Variants in ATAD2B observed in about 807,000 individuals in gnomAD.
ATAD2B encodes ATPase family AAA domain-containing protein 2B.
A neutral mutation model predicts 167.6 loss-of-function variants in ATAD2B; 40 were observed. The ratio of observed to expected loss-of-function variants is 0.24; its 90% CI spans 0.19 to 0.31. The LOEUF (loss-of-function observed/expected upper bound fraction) is 0.31, where lower values mean the gene tolerates loss of function less well. Ranked by LOEUF, ATAD2B falls within the 10% of genes least tolerant of loss-of-function variation. The probability of loss-of-function intolerance (pLI) is 1.00; values close to 1 mark genes in which losing one functional copy is unlikely to be tolerated. For synonymous variants in ATAD2B, 579 were observed against 596.5 expected (o/e 0.97, Z 0.43); for missense variants, 1,242 against 1,757.2 (o/e 0.71, Z 5.24).
chr2:23,819,910 G>A (rs2149624229), intron 16 of ATAD2B, 28 bp from the exon 17 acceptor site: 2 of 1,513,968 alleles, frequency 1.3e-6, no homozygotes, highest in African/African-American at 1.4e-5. Context: ...AATGGTTATG[G>A]GGCTTATAAA....
At chr2:23,768,581 A>C (rs1455680812) in intron 22 of ATAD2B, among the ~76,000 whole-genome samples, 3 of 152,038 alleles carry the variant, frequency 2.0e-5, no homozygotes, top group African/African-American at 7.2e-5. Context: ...CCAAAAAAAA[A>C]AAAAGACAAT....
intron 19 of ATAD2B, among the ~76,000 whole-genome samples, chr2:23,790,550 C>T (rs186613224): frequency 1.1e-3 from 173 of 152,256 alleles, no homozygotes; most frequent in Admixed American, 5.5e-3. Flanking sequence ...CAGGTTACTA[C>T]CAACACCTTA....
In ATAD2B at chr2:23,823,390, C is replaced by A. The variant is rs1307346015; in HGVS notation, c.1999G>T (p.Ala667Ser). 5.1e-5 allele frequency: 83 copies of A among 1,613,810 alleles called. No individual in the cohort carries two copies. Among genetic ancestry groups the A allele is most frequent in the Non-Finnish European group, 6.9e-5 (81 of 1,179,878 alleles). ...MQNIVPASQR[A>S]VMSSGHALSP... ...AGTGCATGCCCTGAAGACATCACAG[C>A]ACGTTGGGAAGCAGGCACGATATTC... is the stretch of plus-strand genomic sequence containing the variant. Residue 667 changes from alanine to serine, a missense_variant, in exon 16 of 28, where the codon GCT becomes TCT. Coordinates refer to ENST00000238789, the MANE Select transcript of ATAD2B (RefSeq NM_017552.4).
chr2:23,732,979 A>G, the ATAD2B span, among the ~76,000 whole-genome samples: 1 of 152,204 alleles, frequency 6.6e-6, no homozygotes, highest in South Asian at 2.1e-4. Context: ...CAGAAGGGTG[A>G]TAATAGTATC....
chr2:23,775,455 G>A (rs1323026325), intron 22 of ATAD2B, among the ~76,000 whole-genome samples: 1 of 152,000 alleles, frequency 6.6e-6, no homozygotes, highest in African/African-American at 2.4e-5. Flanking sequence ...CTCGTGATCC[G>A]CCCGCCTTGG....
chr2:23,721,147 T>C, the ATAD2B span, among the ~76,000 whole-genome samples: 2 of 152,150 alleles, frequency 1.3e-5, no homozygotes, highest in African/African-American at 4.8e-5. Context: ...CTATGTGCCC[T>C]ACCCCTCAAG....
At chr2:23,734,769 T>C in the ATAD2B span, among the ~76,000 whole-genome samples, 3 of 152,190 alleles carry the variant, frequency 2.0e-5, no homozygotes, top group African/African-American at 7.2e-5. Context: ...CAATTCAACA[T>C]GAGATGTGGG....
chr2:23,796,550 G>C (rs1218409143), intron 19 of ATAD2B, among the ~76,000 whole-genome samples: 2 of 151,900 alleles, frequency 1.3e-5, no homozygotes, highest in Non-Finnish European at 2.9e-5. Context: ...CAATATAGAG[G>C]GAAATTTTCA....
At chr2:23,747,296 G>A (rs866029399), downstream of ATAD2B, among the ~76,000 whole-genome samples, 3 of 150,768 alleles carry the variant, frequency 2.0e-5, no homozygotes, top group South Asian at 2.1e-4. Flanking sequence ...ATCAGCATAC[G>A]CCATATATAT....
chr2:23,802,043 G>C (rs1354854704), intron 18 of ATAD2B, among the ~76,000 whole-genome samples: 3 of 152,006 alleles, frequency 2.0e-5, no homozygotes, highest in Non-Finnish European at 4.4e-5. Context: ...CTCAAAGCCA[G>C]TATCACTTTT....
intron 22 of ATAD2B, among the ~76,000 whole-genome samples, chr2:23,770,432 T>A (rs1314047602): frequency 6.6e-6 from 1 of 152,256 alleles, no homozygotes; most frequent in Non-Finnish European, 1.5e-5. Flanking sequence ...AGCTCTTATG[T>A]CCATTATTTA....
chr2:23,883,723 A>T (rs998216343), intron 6 of ATAD2B: 1 of 638,044 alleles, frequency 1.6e-6, no homozygotes, highest in African/African-American at 2.0e-5. Flanking sequence ...TTAACTACAG[A>T]ATTTTTAAAA....
At chr2:23,869,487 T>A (rs1695601717) in intron 9 of ATAD2B, 176 bp downstream of exon 9, 2 of 580,282 alleles carry the variant, frequency 3.4e-6, no homozygotes, top group Admixed American at 5.9e-5. Context: ...TCAGACTAAA[T>A]GATTTTGGGG....
chr2:23,810,094 C>T (rs1460518473), intron 18 of ATAD2B, among the ~76,000 whole-genome samples: 7 of 152,108 alleles, frequency 4.6e-5, no homozygotes, highest in African/African-American at 1.7e-4. Flanking sequence ...ATTAAAATTT[C>T]AGTAAGGAGG....
At chr2:23,707,417 G>A in the ATAD2B span, 1 of 152,228 alleles carries the variant, frequency 6.6e-6, no homozygotes, top group African/African-American at 2.4e-5. Context: ...ACTGAGAGGA[G>A]GAGCAGGCCA....
chr2:23,860,406 C>G (rs1359923212), intron 12 of ATAD2B, among the ~76,000 whole-genome samples: 1 of 152,180 alleles, frequency 6.6e-6, no homozygotes, highest in Non-Finnish European at 1.5e-5. Flanking sequence ...AAACAAAATT[C>G]TCCCATGTTT....
At chr2:23,736,610 C>A in the ATAD2B span, among the ~76,000 whole-genome samples, 38 of 152,168 alleles carry the variant, frequency 2.5e-4, no homozygotes, top group African/African-American at 8.7e-4. Context: ...CAGCTCCCAG[C>A]GTGAGCAATG....
chr2:23,771,115 T>A (rs1005476556), intron 22 of ATAD2B, among the ~76,000 whole-genome samples: 17 of 152,204 alleles, frequency 1.1e-4, no homozygotes, highest in Admixed American at 9.2e-4. Flanking sequence ...TTGTTGCTAG[T>A]ATATAGAAAA....
At chr2:23,918,004 G>A (rs1703302699) in intron 1 of ATAD2B, among the ~76,000 whole-genome samples, 1 of 151,830 alleles carries the variant, frequency 6.6e-6, no homozygotes, top group Non-Finnish European at 1.5e-5. Flanking sequence ...GTTATGGTGA[G>A]TCATTGAACT....
Sources: allele counts gnomAD v4.1 joint callset (sites outside exome capture counted in the v4.1 genomes callset), GRCh38; gene constraint gnomAD v4.1.1; transcripts MANE v1.5; gene names NCBI Gene and HGNC (gene_info 2026-07-23, HGNC 2026-07-21).